Variants in ADGRL3 observed in about 807,000 individuals in gnomAD.
ADGRL3 encodes calcium-independent alpha-latrotoxin receptor 3.
In ADGRL3, 62 loss-of-function variants were observed where a neutral mutation model predicts 153.5. That is an observed-to-expected ratio of 0.40 (90% CI 0.33 to 0.50). The LOEUF is 0.50. ADGRL3 is among the 20% of genes least tolerant of loss of function. The probability of loss-of-function intolerance (pLI) is 0.47; values close to 1 mark genes in which losing one functional copy is unlikely to be tolerated. For missense variants in ADGRL3, 1,641 were observed against 1,859.4 expected (o/e 0.88, Z 2.16); for synonymous variants, 710 against 672.5 (o/e 1.06, Z -0.86).
intron 24 of ADGRL3, among the ~76,000 whole-genome samples, chr4:62,041,622 T>G (rs1437919565): frequency 1.3e-5 from 2 of 152,060 alleles, no homozygotes; most frequent in Non-Finnish European, 2.9e-5. Flanking sequence ...ATTTTGTTTT[T>G]CCATTCCCGC....
intron 5 of ADGRL3, among the ~76,000 whole-genome samples, chr4:61,642,653 A>G (rs368302092): frequency 1.3e-5 from 2 of 151,854 alleles, no homozygotes; most frequent in African/African-American, 2.4e-5. Context: ...CTATATCTCT[A>G]TTTTGGTACC....
chr4:61,891,208 G>GA (rs78985111), intron 9 of ADGRL3, among the ~76,000 whole-genome samples: 74,902 of 151,760 alleles, frequency 0.49, 18,671 homozygotes, highest in East Asian at 0.55. Context: ...TGATTAGAAA[G>GA]AAAAAAATAG....
At chr4:61,945,901 T>A (rs1229925983) in intron 15 of ADGRL3, among the ~76,000 whole-genome samples, 1 of 152,166 alleles carries the variant, frequency 6.6e-6, no homozygotes, top group Non-Finnish European at 1.5e-5. Flanking sequence ...GTCTTCTGCG[T>A]CGCTCACGCT....
At chr4:61,819,278 T>A (rs938464275) in intron 9 of ADGRL3, among the ~76,000 whole-genome samples, 1 of 152,174 alleles carries the variant, frequency 6.6e-6, no homozygotes, top group African/African-American at 2.4e-5. Context: ...ATTACGTTCT[T>A]TAAATAATTG....
intron 5 of ADGRL3, among the ~76,000 whole-genome samples, chr4:61,596,525 C>A (rs993981158): frequency 2.6e-5 from 4 of 152,158 alleles, no homozygotes; most frequent in African/African-American, 9.7e-5. Context: ...GCTCAACTTA[C>A]ACTGAAAACA....
intron 1 of ADGRL3, among the ~76,000 whole-genome samples, chr4:61,228,569 A>G (rs1310347401): frequency 6.6e-6 from 1 of 152,202 alleles, no homozygotes; most frequent in Non-Finnish European, 1.5e-5. Context: ...CTAGACTGAG[A>G]GGACCTTTAA....
intron 6 of ADGRL3, among the ~76,000 whole-genome samples, chr4:61,710,175 T>C (rs914266103): frequency 6.6e-6 from 1 of 152,176 alleles, no homozygotes; most frequent in Non-Finnish European, 1.5e-5. Context: ...GGTAAGTTTG[T>C]CCCAGGCTTT....
chr4:61,921,018 T>C (rs1272085246), intron 13 of ADGRL3, among the ~76,000 whole-genome samples: 1 of 152,072 alleles, frequency 6.6e-6, no homozygotes, highest in Non-Finnish European at 1.5e-5. Context: ...TATTCAGTTT[T>C]ACTGTAATAA....
At chr4:61,602,004 C>A in intron 5 of ADGRL3, among the ~76,000 whole-genome samples, 1 of 151,610 alleles carries the variant, frequency 6.6e-6, no homozygotes, top group Non-Finnish European at 1.5e-5. Flanking sequence ...GGAAATTTCA[C>A]TTTTAACTGG....
intron 8 of ADGRL3, among the ~76,000 whole-genome samples, chr4:61,765,834 A>AG (rs1428901764): frequency 6.6e-6 from 1 of 151,748 alleles, no homozygotes; most frequent in Non-Finnish European, 1.5e-5. Flanking sequence ...TAGGGAAGGG[A>AG]GGGGGCCTGA....
At chr4:61,269,974 A>G (rs993810700) in intron 1 of ADGRL3, among the ~76,000 whole-genome samples, 1 of 151,748 alleles carries the variant, frequency 6.6e-6, no homozygotes, top group Non-Finnish European at 1.5e-5. Flanking sequence ...AATGGTTGCT[A>G]CAGAAACCAG....
intron 1 of ADGRL3, among the ~76,000 whole-genome samples, chr4:61,292,171 C>A (rs940186814): frequency 1.3e-5 from 2 of 151,782 alleles, no homozygotes; most frequent in African/African-American, 2.4e-5. Flanking sequence ...GCAGGTGCAA[C>A]TTATAGAGGA....
intron 1 of ADGRL3, among the ~76,000 whole-genome samples, chr4:61,257,271 A>G (rs2149514442): frequency 6.6e-6 from 1 of 152,322 alleles, no homozygotes. Flanking sequence ...GATAGATCAC[A>G]ATGTCAAGAA....
intron 8 of ADGRL3, among the ~76,000 whole-genome samples, chr4:61,805,033 G>A (rs2097539436): frequency 6.6e-6 from 1 of 151,028 alleles, no homozygotes; most frequent in Admixed American, 6.6e-5. Context: ...TCGGCTCACT[G>A]CAACCTCCAC....
intron 1 of ADGRL3, among the ~76,000 whole-genome samples, chr4:61,314,455 C>A (rs921795666): frequency 3.3e-5 from 5 of 152,122 alleles, no homozygotes; most frequent in Admixed American, 2.6e-4. Context: ...ATGATCCACC[C>A]GCTCGGCCTC....
intron 9 of ADGRL3, among the ~76,000 whole-genome samples, chr4:61,857,564 A>G (rs913914636): frequency 5.3e-5 from 8 of 151,874 alleles, no homozygotes; most frequent in African/African-American, 1.9e-4. Flanking sequence ...AGAACTTTGG[A>G]GGGGGTCTAA....
chr4:61,235,017 C>T (rs1253868576), intron 1 of ADGRL3, among the ~76,000 whole-genome samples: 1 of 152,026 alleles, frequency 6.6e-6, no homozygotes, highest in South Asian at 2.1e-4. Flanking sequence ...AGAAAACCAA[C>T]CAAATAAGGT....
At position 62,074,294 on chromosome 4, in the gene ADGRL3, A is replaced by T. The variant is rs1279169274; in HGVS notation, c.*3386A>T. 3 of 152,108 alleles carry T rather than the reference A, an allele frequency of 2.0e-5. No homozygotes were observed. The highest frequency in any genetic ancestry group is 4.8e-5 in the African/African-American group (2 of 41,414). 9.4% of individuals were successfully genotyped at this position (152,108 alleles called of 1,614,324 possible). A position where few individuals can be genotyped will look rare whatever the true frequency, so the allele number is the denominator to read the frequency against. The stretch of plus-strand genomic sequence containing the variant: ...CTTATGCCACCGAAACAAACAAATG[A>T]TTACTTTCTTGTCAAATAATATTTT... On this transcript the variant is annotated 3_prime_UTR_variant, in exon 27 of 27. Coordinates refer to ENST00000683033, the MANE Select transcript of ADGRL3 (RefSeq NM_001387552.1).
At chr4:61,287,693 T>C (rs2093994137) in intron 1 of ADGRL3, among the ~76,000 whole-genome samples, 1 of 151,916 alleles carries the variant, frequency 6.6e-6, no homozygotes, top group South Asian at 2.1e-4. Context: ...TTCATATTAT[T>C]GGGTCTGACT....
Sources: gnomAD v4.1 joint callset for allele counts (sites outside exome capture counted in the v4.1 genomes callset) on GRCh38, gnomAD v4.1.1 for gene constraint, MANE v1.5 for transcripts, NCBI Gene and HGNC (gene_info 2026-07-23, HGNC 2026-07-21) for gene names.